HDAC9: variants seen among roughly 807,000 people sequenced by gnomAD.
HDAC9 encodes MEF-2 interacting transcription repressor (MITR) protein.
A neutral mutation model predicts 139.4 loss-of-function variants in HDAC9; 41 were observed. That is an observed-to-expected ratio of 0.29 (90% CI 0.23 to 0.38). HDAC9 has a LOEUF of 0.38. Among genes scored for constraint, HDAC9 ranks in the 10% least tolerant of loss-of-function variants. HDAC9 has a pLI of 1.00. For missense variants in HDAC9, 1,147 were observed against 1,297.0 expected, an observed-to-expected ratio of 0.88 and a Z score of 1.78; for synonymous variants, 517 against 476.2, an observed-to-expected ratio of 1.09 and a Z score of -1.12.
intron 17 of HDAC9, among the ~76,000 whole-genome samples, chr7:18,809,856 T>A (rs1413119991): frequency 1.3e-5 from 2 of 151,944 alleles, no homozygotes; most frequent in African/African-American, 2.4e-5. Context: ...TGATCCAGAA[T>A]CCAACTTCTG....
At chr7:18,957,655 C>G (rs1260527844) in intron 24 of HDAC9, among the ~76,000 whole-genome samples, 1 of 152,118 alleles carries the variant, frequency 6.6e-6, no homozygotes, top group Non-Finnish European at 1.5e-5. Flanking sequence ...AAGCACTGAA[C>G]CAAGCATGGG....
intron 1 of HDAC9, among the ~76,000 whole-genome samples, chr7:18,324,933 C>G (rs1175358106): frequency 1.3e-5 from 2 of 152,122 alleles, no homozygotes; most frequent in African/African-American, 4.8e-5. Flanking sequence ...TTCCTTTTCT[C>G]TCTAATAAGG....
At chr7:18,298,568 AATG>A (rs1427811950) in intron 1 of HDAC9, among the ~76,000 whole-genome samples, 3 of 152,184 alleles carry the variant, frequency 2.0e-5, no homozygotes, top group Non-Finnish European at 4.4e-5. Flanking sequence ...GTTTACTGAG[AATG>A]ATGATTTCCA....
chr7:18,126,567 A>G (rs192555770), intron 1 of HDAC9, among the ~76,000 whole-genome samples: 12 of 152,184 alleles, frequency 7.9e-5, no homozygotes, highest in Admixed American at 5.9e-4. Context: ...TTTAGTCACC[A>G]TCTGTAAACA....
At chr7:18,277,594 T>C (rs1290678198) in intron 2 of HDAC9, among the ~76,000 whole-genome samples, 2 of 152,200 alleles carry the variant, frequency 1.3e-5, no homozygotes, top group African/African-American at 4.8e-5. Context: ...AAGTATCTTA[T>C]TTTACACCCA....
intron 1 of HDAC9, among the ~76,000 whole-genome samples, chr7:18,377,061 G>A (rs540285276): frequency 3.9e-5 from 6 of 152,226 alleles, no homozygotes; most frequent in African/African-American, 1.4e-4. Context: ...TATAGCACCA[G>A]TTTCTGTTCT....
chr7:18,988,456 A>G (rs1320090258), intron 25 of HDAC9, among the ~76,000 whole-genome samples: 2 of 151,376 alleles, frequency 1.3e-5, no homozygotes, highest in Admixed American at 6.6e-5. Flanking sequence ...GTTCTTTTAC[A>G]TTTGCTGAGG....
chr7:18,573,747 C>T (rs769624481), intron 2 of HDAC9, among the ~76,000 whole-genome samples: 6 of 152,134 alleles, frequency 3.9e-5, no homozygotes, highest in Non-Finnish European at 5.9e-5. Context: ...GTACTGCACG[C>T]GGCTTCTGCT....
intron 24 of HDAC9, among the ~76,000 whole-genome samples, chr7:18,969,076 G>A (rs901221824): frequency 6.7e-6 from 1 of 148,970 alleles, no homozygotes. Flanking sequence ...ACACACACAC[G>A]TGCGCGCGTG....
chr7:18,211,462 G>T (rs183996380), intron 2 of HDAC9, among the ~76,000 whole-genome samples: 2 of 152,260 alleles, frequency 1.3e-5, no homozygotes, highest in Non-Finnish European at 2.9e-5. Context: ...TGAAAATGAC[G>T]TGCTTCTGTA....
chr7:18,571,736 GA>G (rs1424153435), intron 2 of HDAC9, among the ~76,000 whole-genome samples: 2 of 151,976 alleles, frequency 1.3e-5, no homozygotes, highest in African/African-American at 2.4e-5. Context: ...ATGCAGGACT[GA>G]AAAGATTAGA....
intron 2 of HDAC9, among the ~76,000 whole-genome samples, chr7:18,523,378 G>T (rs1805708423): frequency 1.3e-5 from 2 of 152,342 alleles, no homozygotes; most frequent in South Asian, 4.1e-4. Context: ...AATAGTAAGA[G>T]TGAACTGGAA....
intron 16 of HDAC9, among the ~76,000 whole-genome samples, chr7:18,784,524 A>AC (rs1562939098): frequency 1.3e-5 from 2 of 152,048 alleles, no homozygotes; most frequent in African/African-American, 4.8e-5. Context: ...CAAAAAAAAA[A>AC]CTGAAGGCCA....
intron 21 of HDAC9, among the ~76,000 whole-genome samples, chr7:18,864,050 T>G (rs752742465): frequency 1.3e-5 from 2 of 152,238 alleles, no homozygotes; most frequent in Non-Finnish European, 2.9e-5. Flanking sequence ...AAGCTTGCAC[T>G]GTTTTACATA....
At chr7:18,558,336 A>C (rs1284189540) in intron 2 of HDAC9, among the ~76,000 whole-genome samples, 1 of 152,162 alleles carries the variant, frequency 6.6e-6, no homozygotes, top group African/African-American at 2.4e-5. Context: ...TAAGTGAAGG[A>C]ACTACAGAGA....
At chr7:18,103,514 C>T (rs372281102) in intron 1 of HDAC9, among the ~76,000 whole-genome samples, 35 of 152,176 alleles carry the variant, frequency 2.3e-4, no homozygotes, top group African/African-American at 7.9e-4. Flanking sequence ...TTGGAGTCCC[C>T]GGTGCCTATT....
chr7:18,966,543 A>C (rs1181635626), intron 24 of HDAC9, among the ~76,000 whole-genome samples: 1 of 152,198 alleles, frequency 6.6e-6, no homozygotes, highest in Non-Finnish European at 1.5e-5. Context: ...CTACTAAAAA[A>C]TACAAAAATT....
chr7:18,690,228 A>G (rs1341666160), intron 12 of HDAC9, among the ~76,000 whole-genome samples: 1 of 152,068 alleles, frequency 6.6e-6, no homozygotes, highest in African/African-American at 2.4e-5. Flanking sequence ...CTTTGAGTAG[A>G]TAAAGTGAAG....
intron 1 of HDAC9, among the ~76,000 whole-genome samples, chr7:18,298,278 ATG>A (rs1300716312): frequency 4.0e-5 from 6 of 149,708 alleles, no homozygotes; most frequent in Admixed American, 2.0e-4. Context: ...CTACATTTTT[ATG>A]TTTTTTTTTT....
Sources: gnomAD v4.1 joint callset for allele counts (sites outside exome capture counted in the v4.1 genomes callset) on GRCh38, gnomAD v4.1.1 for gene constraint, MANE v1.5 for transcripts, NCBI Gene and HGNC (gene_info 2026-07-23, HGNC 2026-07-21) for gene names.